PKHD1L1: variants seen among roughly 807,000 people sequenced by gnomAD.
PKHD1L1 encodes the protein PKHD1 like 1.
PKHD1L1 carries 434 observed loss-of-function variants against 462.9 expected under a neutral mutation model. The ratio of observed to expected loss-of-function variants is 0.94; its 90% CI spans 0.87 to 1.02. PKHD1L1 has a LOEUF of 1.02. Ranked by LOEUF, PKHD1L1 falls within the 50% of genes least tolerant of loss-of-function variation. The pLI, the probability that PKHD1L1 is intolerant of heterozygous loss-of-function variation, is 0.00. For synonymous variants in PKHD1L1, 1,781 were observed against 1,750.0 expected (o/e 1.02, Z -0.44); for missense variants, 5,202 against 5,096.1 (o/e 1.02, Z -0.63).
rs200854141 is a variant in PKHD1L1 at position 109,419,210 on chromosome 8, A to T, written c.2474A>T (p.Tyr825Phe). 560 of 1,612,870 alleles carry T rather than the reference A, an allele frequency of 3.5e-4. 1 individual carries two copies. The highest frequency in any genetic ancestry group is 8.1e-4 in the South Asian group (74 of 90,918). ...AAAGCATCAGAATCACAGTCCTTCT[A>T]TGTGGATGTAGTGTACATTGGACAC... ...LHKASESQSF[Y>F]VDVVYIGHTS... is the part of the protein sequence containing the mutation. Residue 825 changes from tyrosine to phenylalanine, a missense_variant, in exon 22 of 78, where the codon TAT becomes TTT. Physicochemically the swap from Tyr to Phe is conservative, Grantham distance 22 (BLOSUM62 3). This residue lies in a region of PKHD1L1 where 4,497 missense variants were observed against 4,336.8 expected (regional missense o/e 1.04). Transcript: ENST00000378402.
intron 46 of PKHD1L1, 150 bp from the exon 47 acceptor site, chr8:109,459,444 AT>A (rs11356938): frequency 0.49 from 236,877 of 482,496 alleles, 60,359 homozygotes; most frequent in South Asian, 0.64. Context: ...AGAATAAAAT[AT>A]TTTTTCTAAT....
At chr8:109,521,922 A>G (rs1477078602) in intron 73 of PKHD1L1, among the ~76,000 whole-genome samples, 1 of 152,152 alleles carries the variant, frequency 6.6e-6, no homozygotes, top group Non-Finnish European at 1.5e-5. Flanking sequence ...ATATTCTCCC[A>G]CTATGTTTTC....
rs1376361764 is a variant in PKHD1L1, at chr8:109,507,915, ATC to A, written c.11227+22_11227+23del. 1 of 1,611,112 alleles carries A rather than the reference ATC, an allele frequency of 6.2e-7. No individual in the cohort carries two copies. The highest frequency in any genetic ancestry group is 1.1e-5 in the South Asian group (1 of 90,978). ...ATAAAGGTTTGTTGGATCTTGCTTA[ATC>A]TGTCATTAGGCCTTAAACTCATGAA... On this transcript the variant is annotated intron_variant, in intron 69 of 77. Coordinates refer to ENST00000378402, the MANE Select transcript of PKHD1L1 (RefSeq NM_177531.6).
intron 73 of PKHD1L1, among the ~76,000 whole-genome samples, chr8:109,518,764 A>T (rs1820405048): frequency 6.6e-6 from 1 of 152,190 alleles, no homozygotes; most frequent in Admixed American, 6.6e-5. Flanking sequence ...GATCTAATAT[A>T]AAAAGATCTG....
At chr8:109,381,229 TA>T in intron 2 of PKHD1L1, 140 bp from the exon 3 acceptor site, 1 of 744,674 alleles carries the variant, frequency 1.3e-6, no homozygotes, top group Non-Finnish European at 2.1e-6. Flanking sequence ...ATTACAATCA[TA>T]AGGATAAATA....
At position 109,445,092 on chromosome 8, in the gene PKHD1L1, T is replaced by C. The variant is rs767730635; in HGVS notation, c.5223T>C (p.Phe1741=). The part of the protein sequence containing the change: ...VPAQCQGNCT[F]SYLESITPYI... The stretch of plus-strand genomic sequence containing the variant: ...CCCAGTGCCAGGGAAACTGCACCTT[T>C]TCATACTTAGAAAGCATCACTCCTT... The change falls in exon 38 of 78, where the codon TTT becomes TTC. Residue 1741 remains phenylalanine, a synonymous_variant. Transcript: ENST00000378402. 9 of 1,613,846 alleles carry C rather than the reference T, an allele frequency of 5.6e-6. No homozygotes were observed. The highest frequency in any genetic ancestry group is 3.3e-5 in the Admixed American group (2 of 59,990).
At chr8:109,364,758 C>T (rs565296426) in intron 2 of PKHD1L1, 122 bp downstream of exon 2, 1 of 671,050 alleles carries the variant, frequency 1.5e-6, no homozygotes, top group Non-Finnish European at 2.5e-6. Context: ...CTTCACTTGG[C>T]CAGAATAGTA....
chr8:109,533,550 T>C lies in PKHD1L1; in HGVS notation c.*3460T>C, dbSNP rs1821088378. Among the ~76,000 whole-genome samples, 1 of 152,210 alleles carries C rather than the reference T, an allele frequency of 6.6e-6. No homozygotes were observed. The highest frequency in any genetic ancestry group is 2.1e-4 in the South Asian group (1 of 4,832). On this transcript the variant is annotated 3_prime_UTR_variant, in exon 78 of 78. Coordinates refer to ENST00000378402, the MANE Select transcript of PKHD1L1 (RefSeq NM_177531.6). Reference sequence around the variant, plus strand: ...CCAGCTTCACTTGCAGTGAGACTGATCAATTTCTGTGCAGTGGGTTACAAA... The same window carrying C: ...CCAGCTTCACTTGCAGTGAGACTGACCAATTTCTGTGCAGTGGGTTACAAA...
intron 30 of PKHD1L1, among the ~76,000 whole-genome samples, chr8:109,437,874 T>A (rs111807727): frequency 1.4e-4 from 21 of 152,090 alleles, no homozygotes; most frequent in African/African-American, 4.8e-4. Context: ...ATAGTTTTCT[T>A]AGGGGGTCCA....
At chr8:109,504,551 C>G (rs972772383) in intron 68 of PKHD1L1, 59 bp downstream of exon 68, 1 of 1,064,688 alleles carries the variant, frequency 9.4e-7, no homozygotes, top group Non-Finnish European at 1.3e-6. Context: ...CTCACTTCCT[C>G]CTGCTCAAGA....
Position 109,458,266 on chromosome 8 carries a change from C to T in PKHD1L1, c.7005-1329C>T, listed in dbSNP as rs147899108. Among the ~76,000 whole-genome samples, 279 of 152,128 alleles carry T rather than the reference C, an allele frequency of 1.8e-3. 1 individual carries two copies. The highest frequency in any genetic ancestry group is 6.5e-3 in the African/African-American group (268 of 41,538). On this transcript the variant is annotated intron_variant, in intron 46 of 77. Coordinates refer to ENST00000378402, the MANE Select transcript of PKHD1L1 (RefSeq NM_177531.6). ...TATCACCAAGTTCTTTTGGTCTGCC[C>T]TTGGCATGTCTCTCAGCTTTCTCTG...
chr8:109,379,147 C>T (rs886406087), intron 2 of PKHD1L1, among the ~76,000 whole-genome samples: 2 of 152,206 alleles, frequency 1.3e-5, no homozygotes, highest in Non-Finnish European at 2.9e-5. Context: ...GAGACCAACA[C>T]TGAGCTCTCA....
chr8:109,525,727 A>G (rs922402247), intron 76 of PKHD1L1, among the ~76,000 whole-genome samples: 1 of 152,218 alleles, frequency 6.6e-6, no homozygotes, highest in South Asian at 2.1e-4. Flanking sequence ...ATTAATAAAA[A>G]AATTCACCTG....
rs554588311 is a variant in PKHD1L1, at chr8:109,523,140, TGAG to T, written c.12331-91_12331-89del. 4.5e-5 allele frequency: 55 copies of T among 1,230,488 alleles called. No homozygotes were observed. In the Admixed American group the frequency reaches 1.0e-3, roughly 23 times the overall value. The allele number at this position is 1,230,488 out of a possible 1,614,324, so 76.2% of individuals were successfully genotyped here. On this transcript the variant is annotated intron_variant, in intron 75 of 77. Coordinates refer to ENST00000378402, the MANE Select transcript of PKHD1L1 (RefSeq NM_177531.6). ...GCTTCTGCAGATTTTCAATTTATAATGAGGCATTTTTAAAAATAAAGTTTTGCA... is the reference window on the plus strand; with the variant it reads ...GCTTCTGCAGATTTTCAATTTATAATGCATTTTTAAAAATAAAGTTTTGCA...
Position 109,459,716 on chromosome 8 carries a change from G to A in PKHD1L1, c.7126G>A (p.Gly2376Arg). 6.2e-7 allele frequency: 1 copy of A among 1,611,936 alleles called. No individual in the cohort carries two copies. Among genetic ancestry groups the A allele is most frequent in the Non-Finnish European group, 8.5e-7 (1 of 1,178,876 alleles). The stretch of plus-strand genomic sequence containing the variant: ...AGGAATTACGGTCACACTCCCTGAT[G>A]GAACTCTGTTTGAAGCAAGAGCAGA... The part of the protein sequence containing the change: ...HLGITVTLPD[G>R]TLFEARAEVG... Residue 2376 changes from glycine (G) to arginine (R), a missense_variant, in exon 47 of 78, where the codon GGA becomes AGA. Transcript: ENST00000378402.
chr8:109,377,208 C>CTT, intron 2 of PKHD1L1, among the ~76,000 whole-genome samples: 1 of 152,068 alleles, frequency 6.6e-6, no homozygotes, highest in African/African-American at 2.4e-5. Flanking sequence ...TTGAAAACTG[C>CTT]TAACATTGTA....
At chr8:109,389,020 A>G (rs1201347601) in intron 7 of PKHD1L1, 59 bp from the exon 8 acceptor site, 12 of 1,176,704 alleles carry the variant, frequency 1.0e-5, no homozygotes, top group Non-Finnish European at 1.5e-5. Flanking sequence ...TAAGAGAAAC[A>G]CAATATTCTA....
intron 59 of PKHD1L1, among the ~76,000 whole-genome samples, chr8:109,488,053 A>G (rs1818647160): frequency 6.6e-6 from 1 of 151,974 alleles, no homozygotes; most frequent in Non-Finnish European, 1.5e-5. Context: ...AATAGCTACT[A>G]ATTAACATTG....
chr8:109,515,170 GC>G lies in PKHD1L1; in HGVS notation c.11555del (p.Ala3852ValfsTer3). 1 of 1,567,908 alleles carries G rather than the reference GC, an allele frequency of 6.4e-7. No individual in the cohort carries two copies. The highest frequency in any genetic ancestry group is 8.6e-7 in the Non-Finnish European group (1 of 1,158,432). ...LMLLNVDHNK[A>X]VLVGIFFSTL... ...CTTAAAACTTTTTTTTCTTTAATAG[GC>G]TGTTCTAGTAGGAATTTTCTTTTCC... On this transcript the variant is annotated frameshift_variant and splice_region_variant, in exon 72 of 78. Coordinates refer to ENST00000378402, the MANE Select transcript of PKHD1L1 (RefSeq NM_177531.6). LOFTEE classifies it high-confidence loss of function.
Sources: allele counts gnomAD v4.1 joint callset (sites outside exome capture counted in the v4.1 genomes callset), GRCh38; gene constraint gnomAD v4.1.1; regional missense constraint gnomAD v4.1.1; transcripts MANE v1.5; gene names NCBI Gene and HGNC (gene_info 2026-07-23, HGNC 2026-07-21).